The following DAPK1 variants were observed in gnomAD, a reference collection of about 807,000 sequenced individuals.
The protein encoded by DAPK1 is death-associated protein kinase 1.
In DAPK1, 56 loss-of-function variants were observed where a neutral mutation model predicts 144.9. The observed-to-expected ratio is 0.39, with a 90% CI of 0.31 to 0.48. The LOEUF is 0.48. Ranked by LOEUF, DAPK1 falls within the 20% of genes least tolerant of loss-of-function variation. DAPK1 has a pLI of 0.95. For synonymous variants in DAPK1, 690 were observed against 749.0 expected, an observed-to-expected ratio of 0.92 and a Z score of 1.29; for missense variants, 1,454 against 1,875.4, an observed-to-expected ratio of 0.78 and a Z score of 4.15.
At chr9:87,699,990 C>G in intron 23 of DAPK1, 127 bp from the exon 24 acceptor site, 1 of 737,868 alleles carries the variant, frequency 1.4e-6, no homozygotes, top group Non-Finnish European at 2.3e-6. Flanking sequence ...GGGGAGGGGC[C>G]TTTGCAAGGA....
At chr9:87,651,830 G>A in intron 17 of DAPK1, 106 bp downstream of exon 17, 1 of 911,840 alleles carries the variant, frequency 1.1e-6, no homozygotes, top group Non-Finnish European at 1.7e-6. Flanking sequence ...CTGATTCTGT[G>A]TCCTCCCACC....
intron 15 of DAPK1, 30 bp from the exon 16 acceptor site, chr9:87,649,891 C>T (rs1442633889): frequency 2.5e-6 from 4 of 1,609,226 alleles, no homozygotes; most frequent in African/African-American, 2.7e-5. Flanking sequence ...ATTGTGTTCT[C>T]CTCCTCTCTG....
chr9:87,646,953 A>T (rs1389151751), intron 13 of DAPK1, among the ~76,000 whole-genome samples: 1 of 152,210 alleles, frequency 6.6e-6, no homozygotes, highest in African/African-American at 2.4e-5. Context: ...GGCCCTCTGC[A>T]GTAAGGGAAT....
intron 2 of DAPK1, among the ~76,000 whole-genome samples, chr9:87,563,287 G>A (rs1384884501): frequency 1.3e-5 from 2 of 152,220 alleles, no homozygotes; most frequent in Admixed American, 1.3e-4. Context: ...AAGAATATGG[G>A]AGTAGCAATT....
intron 21 of DAPK1, among the ~76,000 whole-genome samples, chr9:87,692,221 T>C (rs536672926): frequency 6.9e-6 from 1 of 145,934 alleles, no homozygotes; most frequent in East Asian, 2.1e-4. Flanking sequence ...TTGATCCCTT[T>C]TGCATTATAT....
At chr9:87,559,180 A>G (rs1340017414) in intron 2 of DAPK1, among the ~76,000 whole-genome samples, 1 of 152,246 alleles carries the variant, frequency 6.6e-6, no homozygotes, top group Non-Finnish European at 1.5e-5. Context: ...ATGAAATATT[A>G]TCCTTGTTTT....
chr9:87,553,295 G>A (rs1329781621), intron 2 of DAPK1, among the ~76,000 whole-genome samples: 1 of 151,806 alleles, frequency 6.6e-6, no homozygotes, highest in Non-Finnish European at 1.5e-5. Context: ...CAGTCTTTCT[G>A]CCTTTGCCAT....
At chr9:87,670,061 T>A (rs1327137973) in intron 19 of DAPK1, among the ~76,000 whole-genome samples, 1 of 152,078 alleles carries the variant, frequency 6.6e-6, no homozygotes, top group African/African-American at 2.4e-5. Flanking sequence ...TTACCAGAAA[T>A]TCATAAATTA....
At chr9:87,524,128 C>G (rs1457967632) in intron 2 of DAPK1, among the ~76,000 whole-genome samples, 1 of 152,182 alleles carries the variant, frequency 6.6e-6, no homozygotes, top group Non-Finnish European at 1.5e-5. Context: ...ATTTGTGCCC[C>G]GATAGAGGTT....
intron 2 of DAPK1, among the ~76,000 whole-genome samples, chr9:87,592,504 A>G (rs1828174001): frequency 6.6e-6 from 1 of 152,254 alleles, no homozygotes; most frequent in Admixed American, 6.5e-5. Flanking sequence ...ACCAACTCCA[A>G]ACCGCATTCG....
intron 2 of DAPK1, among the ~76,000 whole-genome samples, chr9:87,565,012 G>GGAAAACACAGT (rs2118689564): frequency 6.6e-6 from 1 of 152,266 alleles, no homozygotes; most frequent in African/African-American, 2.4e-5. Context: ...ACTGTGTCTG[G>GGAAAACACAGT]GAAAACACAG....
chr9:87,693,482 A>T (rs1230361758), intron 21 of DAPK1, among the ~76,000 whole-genome samples: 1 of 151,846 alleles, frequency 6.6e-6, no homozygotes. Flanking sequence ...ATATCTTTGT[A>T]TTGTTTTTCT....
intron 2 of DAPK1, among the ~76,000 whole-genome samples, chr9:87,603,086 G>T (rs1193416977): frequency 6.6e-6 from 1 of 152,280 alleles, no homozygotes; most frequent in East Asian, 1.9e-4. Context: ...CAGCTTGGTT[G>T]TTGGTTGGCT....
chr9:87,581,529 C>T (rs1827753653), intron 2 of DAPK1, among the ~76,000 whole-genome samples: 1 of 152,130 alleles, frequency 6.6e-6, no homozygotes, highest in East Asian at 1.9e-4. Context: ...GAATATGGCT[C>T]CACAGCCTGT....
chr9:87,501,544 C>CA (rs753100822), intron 2 of DAPK1, among the ~76,000 whole-genome samples: 48 of 135,814 alleles, frequency 3.5e-4, no homozygotes, highest in African/African-American at 7.6e-4. Context: ...GACTCTGTCT[C>CA]AAAAAAAAAA....
intron 2 of DAPK1, among the ~76,000 whole-genome samples, chr9:87,577,788 C>G (rs1827618053): frequency 6.6e-6 from 1 of 152,138 alleles, no homozygotes; most frequent in Non-Finnish European, 1.5e-5. Context: ...CAGAGCGAGA[C>G]TCTGTCTCAG....
At chr9:87,584,851 A>AT (rs1462568249) in intron 2 of DAPK1, among the ~76,000 whole-genome samples, 2 of 151,952 alleles carry the variant, frequency 1.3e-5, no homozygotes, top group African/African-American at 4.8e-5. Context: ...TAATTTTTGT[A>AT]TTTTTTGTAG....
Position 87,681,639 on chromosome 9 carries a change from A to G in DAPK1, c.2224+13A>G, listed in dbSNP as rs1289688766. On this transcript the variant is annotated intron_variant, in intron 20 of 25. Transcript: ENST00000408954. ...TCTAAGCCCACAGGTAGGAACCTCC[A>G]TGCTGGCCCCGTCTCTCCAGCAGGT... 1.5e-6 allele frequency: 2 copies of G among 1,330,588 alleles called. No homozygotes were observed. The highest frequency in any genetic ancestry group is 2.9e-5 in the African/African-American group (2 of 69,638). 82.4% of individuals were successfully genotyped at this position (1,330,588 alleles called of 1,614,324 possible).
chr9:87,567,173 C>T (rs975080641), intron 2 of DAPK1, among the ~76,000 whole-genome samples: 1 of 152,164 alleles, frequency 6.6e-6, no homozygotes, highest in South Asian at 2.1e-4. Context: ...ACCTGGTGGA[C>T]TTTAGAAATG....
Sources: gnomAD v4.1 joint callset for allele counts (sites outside exome capture counted in the v4.1 genomes callset) on GRCh38, gnomAD v4.1.1 for gene constraint, MANE v1.5 for transcripts, NCBI Gene and HGNC (gene_info 2026-07-23, HGNC 2026-07-21) for gene names.